The following RPS6KA2 variants were observed in gnomAD, a reference collection of about 807,000 sequenced individuals.
RPS6KA2 encodes the protein ribosomal protein S6 kinase alpha-2.
In RPS6KA2, 42 loss-of-function variants were observed where a neutral mutation model predicts 91.8. The ratio of observed to expected loss-of-function variants is 0.46; its 90% CI spans 0.36 to 0.59. The LOEUF (loss-of-function observed/expected upper bound fraction) is 0.59. Ranked by LOEUF, RPS6KA2 falls within the 20% of genes least tolerant of loss-of-function variation. The probability of loss-of-function intolerance (pLI) is 0.00; values close to 1 mark genes in which losing one functional copy is unlikely to be tolerated. For missense variants in RPS6KA2, 798 were observed against 978.5 expected (o/e 0.82, Z 2.46); for synonymous variants, 414 against 393.6 (o/e 1.05, Z -0.61).
intron 1 of RPS6KA2, among the ~76,000 whole-genome samples, chr6:166,577,111 G>A (rs902343778): frequency 6.6e-6 from 1 of 152,234 alleles, no homozygotes; most frequent in African/African-American, 2.4e-5. Context: ...CAAGAACTGG[G>A]GGTTCTGAAA....
upstream of RPS6KA2, among the ~76,000 whole-genome samples, chr6:166,628,638 C>T (rs1377780335): frequency 2.0e-5 from 3 of 152,232 alleles, no homozygotes; most frequent in Non-Finnish European, 2.9e-5. Flanking sequence ...GGTGCTGCTC[C>T]GGAGTGGAAG....
At chr6:166,800,177 T>C (rs529982066) in intron 2 of RPS6KA2, among the ~76,000 whole-genome samples, 19 of 152,346 alleles carry the variant, frequency 1.2e-4, no homozygotes, top group African/African-American at 4.6e-4. Flanking sequence ...CAGTGACTCA[T>C]TGAAGTCCCA....
intron 2 of RPS6KA2, among the ~76,000 whole-genome samples, chr6:166,824,817 G>GTGTGTC (rs56040834): frequency 6.0e-5 from 8 of 133,588 alleles, no homozygotes; most frequent in South Asian, 5.0e-4. Context: ...ATGTGTGTCT[G>GTGTGTC]TGTGTGTCTG....
At chr6:166,487,519 G>A (rs1781452730) in intron 10 of RPS6KA2, among the ~76,000 whole-genome samples, 2 of 152,314 alleles carry the variant, frequency 1.3e-5, no homozygotes, top group South Asian at 4.1e-4. Context: ...TCACCGAGAG[G>A]TCTGTAGAGT....
rs1388297514 is a variant in RPS6KA2 at position 166,849,556 on chromosome 6, A to G, written c.123+8644T>C. Among the ~76,000 whole-genome samples the G allele has an allele frequency of 2.6e-5, 4 of 152,262 alleles. No individual in the cohort carries two copies. Among genetic ancestry groups the G allele is most frequent in the Non-Finnish European group, 5.9e-5 (4 of 68,002 alleles). ...TCACCACGCGTGTAGCTGACAGTGG[A>G]GGACCCCAGGCCACCCCCGCCCGTG... On this transcript the variant is annotated intron_variant, in intron 2 of 21. Coordinates refer to the RPS6KA2 transcript ENST00000503859. The surrounding 1 kb of genome is among the most constrained non-coding windows in gnomAD (Gnocchi z 4.9).
intron 1 of RPS6KA2, among the ~76,000 whole-genome samples, chr6:166,539,198 G>A (rs1383853116): frequency 2.6e-5 from 4 of 152,192 alleles, no homozygotes; most frequent in African/African-American, 9.7e-5. Flanking sequence ...GGTTACAGGC[G>A]TGAGCCACCC....
At position 166,459,633 on chromosome 6, in the gene RPS6KA2, G is replaced by C; in HGVS notation, c.973-82C>G. On this transcript the variant is annotated intron_variant, in intron 11 of 20. Coordinates refer to ENST00000265678, the MANE Select transcript of RPS6KA2 (RefSeq NM_021135.6). The surrounding 1 kb of genome is among the most constrained non-coding windows in gnomAD (Gnocchi z 4.9). ...AACACTGGGGACAGAGAAACCTGCT[G>C]TGGGGAGGGAAGGATGTTCTTATCA... The C allele has an allele frequency of 3.2e-6, 3 of 937,808 alleles. No individual in the cohort carries two copies. 58.1% of individuals were successfully genotyped at this position (937,808 alleles called of 1,614,324 possible).
At position 166,568,562 on chromosome 6, in the gene RPS6KA2, G is replaced by A. The variant is rs183496168; in HGVS notation, c.100-29778C>T. On this transcript the variant is annotated intron_variant, in intron 1 of 20. Coordinates refer to ENST00000265678, the MANE Select transcript of RPS6KA2 (RefSeq NM_021135.6). ...GAACCTGGGAGGCAGAGGTTGCGGA[G>A]AGCCGAGATTGCGCCATCGCACTCT... 5.7e-5 allele frequency among the ~76,000 whole-genome samples: 8 copies of A among 141,526 alleles called. No individual in the cohort carries two copies. In the East Asian group the frequency reaches 1.8e-3, roughly 32 times the overall value. 92.8% of individuals were successfully genotyped at this position (141,526 alleles called of 152,430 possible).
intron 2 of RPS6KA2, among the ~76,000 whole-genome samples, chr6:166,805,216 C>A (rs1207840998): frequency 1.3e-5 from 2 of 152,220 alleles, no homozygotes; most frequent in Non-Finnish European, 2.9e-5. Flanking sequence ...CTCTATCAGG[C>A]AGCTGGGCAG....
rs765921722 is a variant in RPS6KA2 at position 166,635,066 on chromosome 6, C to A, written c.124-96282G>T. On this transcript the variant is annotated intron_variant, in intron 2 of 21. Coordinates refer to the RPS6KA2 transcript ENST00000503859. This position sits in a 1 kb window ranked among gnomAD's most constrained non-coding sequence, Gnocchi z 4.8. ...TTAAATTATAATAATTTTAAAAAGACTTGTGATAACGGAGAGCCAACGGTA... is the reference window on the plus strand; with the variant it reads ...TTAAATTATAATAATTTTAAAAAGAATTGTGATAACGGAGAGCCAACGGTA... Among the ~76,000 whole-genome samples, 5 of 152,174 alleles carry A rather than the reference C, an allele frequency of 3.3e-5. No homozygotes were observed. Among genetic ancestry groups the A allele is most frequent in the Non-Finnish European group, 5.9e-5 (4 of 68,036 alleles).
At chr6:166,743,667 G>C (rs1021408124) in intron 2 of RPS6KA2, among the ~76,000 whole-genome samples, 1 of 152,230 alleles carries the variant, frequency 6.6e-6, no homozygotes, top group African/African-American at 2.4e-5. Context: ...GGCATTTTAG[G>C]ACATTTTTAT....
At position 166,627,046 on chromosome 6, in the gene RPS6KA2, G is replaced by C. The variant is rs780859561; in HGVS notation, c.-27C>G. On this transcript the variant is annotated 5_prime_UTR_variant, in exon 1 of 21. Coordinates refer to ENST00000265678, the MANE Select transcript of RPS6KA2 (RefSeq NM_021135.6). ...GCCCCGCGCCCAGCCCGGAGCAGCC[G>C]CAGGGCCGGGGGACGCGCATCCCCG... 1.1e-5 allele frequency: 16 copies of C among 1,402,194 alleles called. No individual in the cohort carries two copies. The highest frequency in any genetic ancestry group is 1.2e-5 in the Non-Finnish European group (13 of 1,062,484). 86.9% of individuals were successfully genotyped at this position (1,402,194 alleles called of 1,614,324 possible). A position where few individuals can be genotyped will look rare whatever the true frequency, so the allele number is the denominator to read the frequency against.
At chr6:166,792,652 C>A (rs1454022777) in intron 2 of RPS6KA2, among the ~76,000 whole-genome samples, 1 of 152,160 alleles carries the variant, frequency 6.6e-6, no homozygotes, top group Non-Finnish European at 1.5e-5. Flanking sequence ...AACTCTTATC[C>A]ATCATGATCA....
chr6:166,746,082 C>T (rs867396177), intron 2 of RPS6KA2, among the ~76,000 whole-genome samples: 2 of 152,152 alleles, frequency 1.3e-5, no homozygotes, highest in Admixed American at 6.5e-5. Flanking sequence ...GGTCACCTTC[C>T]GCCTCTACAG....
chr6:166,497,288 C>T (rs970725084), intron 8 of RPS6KA2, among the ~76,000 whole-genome samples: 1 of 152,256 alleles, frequency 6.6e-6, no homozygotes, highest in African/African-American at 2.4e-5. Context: ...TGCAGGCATT[C>T]TCTCAAGTGT....
intron 2 of RPS6KA2, among the ~76,000 whole-genome samples, chr6:166,668,775 G>A (rs1014380664): frequency 2.6e-5 from 4 of 152,120 alleles, no homozygotes; most frequent in Non-Finnish European, 5.9e-5. Flanking sequence ...CCAGAATTAA[G>A]AGGTTTCCTT....
chr6:166,751,949 C>T (rs1232972573), intron 2 of RPS6KA2, among the ~76,000 whole-genome samples: 1 of 152,080 alleles, frequency 6.6e-6, no homozygotes, highest in South Asian at 2.1e-4. Context: ...AGCACAGAGG[C>T]CAGACTCCGT....
chr6:166,774,549 A>G (rs1778563616), intron 2 of RPS6KA2, among the ~76,000 whole-genome samples: 5 of 152,118 alleles, frequency 3.3e-5, no homozygotes, highest in African/African-American at 9.7e-5. Flanking sequence ...GATGCTACGG[A>G]CCATGGTAGG....
intron 2 of RPS6KA2, among the ~76,000 whole-genome samples, chr6:166,532,844 A>AGTGT (rs369394546): frequency 5.5e-4 from 82 of 149,578 alleles, no homozygotes; most frequent in African/African-American, 1.5e-3. Flanking sequence ...AGAGAGAGAG[A>AGTGT]GTGTGTGTGT....
Sources: gnomAD v4.1 joint callset for allele counts (sites outside exome capture counted in the v4.1 genomes callset) on GRCh38, gnomAD v4.1.1 for gene constraint, Gnocchi (gnomAD v3.1) non-coding constraint, MANE v1.5 for transcripts, NCBI Gene and HGNC (gene_info 2026-07-23, HGNC 2026-07-21) for gene names.